The following PRRT4 variants were observed in gnomAD, a reference collection of about 807,000 sequenced individuals.
The protein encoded by PRRT4 is proline-rich transmembrane protein 4.
In PRRT4, 59 loss-of-function variants were observed where a neutral mutation model predicts 55.6. The ratio of observed to expected loss-of-function variants is 1.06; its 90% CI spans 0.86 to 1.32. The LOEUF is 1.32. PRRT4 is among the 40% of genes most tolerant of loss of function. PRRT4 has a pLI of 0.00. For synonymous variants in PRRT4, 606 were observed against 601.8 expected, an observed-to-expected ratio of 1.01 and a Z score of -0.10; for missense variants, 1,217 against 1,222.0, an observed-to-expected ratio of 1.00 and a Z score of 0.06.
chr7:128,359,896 G>A, exon 2 of PRRT4: 1 of 1,464,738 alleles, frequency 6.8e-7, no homozygotes, highest in East Asian at 2.5e-5. Flanking sequence ...TGGTGGCAGG[G>A]GCACCTGGGA....
chr7:128,356,187 G>C (rs1210257440), intron 4 of PRRT4, among the ~76,000 whole-genome samples: 1 of 152,058 alleles, frequency 6.6e-6, no homozygotes, highest in Non-Finnish European at 1.5e-5. Flanking sequence ...TGAACCCGGA[G>C]GATGCAGTGA....
chr7:128,350,765 G>A, downstream of PRRT4: 3 of 1,496,544 alleles, frequency 2.0e-6, no homozygotes, highest in Non-Finnish European at 1.8e-6. Context: ...TCTGAGCCAG[G>A]GAGGATTGGG....
chr7:128,358,629 G>A lies in PRRT4; in HGVS notation c.877+52C>T. On this transcript the variant is annotated intron_variant, in intron 4 of 4. Coordinates refer to ENST00000535159, the Ensembl canonical transcript of PRRT4. The surrounding 1 kb of genome is among the most constrained non-coding windows in gnomAD (Gnocchi z 4.4). ...CAGAACACTGATGAGTGACTAGCATGTAGTAAGTGCTCAATAAATAATTGT... is the reference window on the plus strand; with the variant it reads ...CAGAACACTGATGAGTGACTAGCATATAGTAAGTGCTCAATAAATAATTGT... 2 of 1,471,588 alleles carry A rather than the reference G, an allele frequency of 1.4e-6. No homozygotes were observed. The highest frequency in any genetic ancestry group is 1.9e-6 in the Non-Finnish European group (2 of 1,075,708). 91.2% of individuals were successfully genotyped at this position (1,471,588 alleles called of 1,614,324 possible).
chr7:128,361,076 GTCTC>G (rs71160633), intron 1 of PRRT4, among the ~76,000 whole-genome samples: 1,535 of 100,390 alleles, frequency 0.015, 33 homozygotes, highest in Admixed American at 0.048. Flanking sequence ...GGCCTCCCCT[GTCTC>G]TCTCTCTCTC....
intron 1 of PRRT4, among the ~76,000 whole-genome samples, 155 bp from the exon 3 acceptor site, chr7:128,360,218 G>C (rs359643): frequency 0.12 from 18,131 of 152,066 alleles, 1,667 homozygotes; most frequent in African/African-American, 0.26. Flanking sequence ...TCTTCTTGCC[G>C]GGCCCTTCCT....
exon 5 of PRRT4, chr7:128,352,400 C>T (rs760711155): frequency 6.6e-7 from 1 of 1,524,364 alleles, no homozygotes. Context: ...GGCAAGAGGG[C>T]CAGAGCCAGC....
At chr7:128,352,726 T>C in intron 4 of PRRT4, 48 bp from the exon 6 acceptor site, 1 of 1,456,640 alleles carries the variant, frequency 6.9e-7, no homozygotes, top group Non-Finnish European at 9.1e-7. Context: ...AGCCCTCCCC[T>C]TACCCACCCC....
intron 4 of PRRT4, among the ~76,000 whole-genome samples, chr7:128,352,931 C>T (rs894886149): frequency 4.6e-5 from 7 of 152,022 alleles, no homozygotes; most frequent in African/African-American, 1.7e-4. Flanking sequence ...GCCTCGGCCC[C>T]CCAGCTCCCT....
At chr7:128,360,168 G>T in intron 1 of PRRT4, 105 bp from the exon 3 acceptor site, 1 of 463,856 alleles carries the variant, frequency 2.2e-6, no homozygotes, top group Non-Finnish European at 3.5e-6. Flanking sequence ...GAAGCAGGTA[G>T]TGTGGGCAGG....
chr7:128,351,813 G>T, exon 5 of PRRT4: 1 of 1,416,434 alleles, frequency 7.1e-7, no homozygotes, highest in Non-Finnish European at 9.1e-7. Flanking sequence ...AGCCCAGGGC[G>T]TGCAGCACCT....
Position 128,352,690 on chromosome 7 carries a change from G to C in PRRT4, c.878-12C>G, listed in dbSNP as rs1797024336. The C allele has an allele frequency of 6.6e-7, 1 of 1,514,384 alleles. No homozygotes were observed. The highest frequency in any genetic ancestry group is 8.8e-7 in the Non-Finnish European group (1 of 1,133,670). The allele number at this position is 1,514,384 out of a possible 1,614,324, so 93.8% of individuals were successfully genotyped here. A position where few individuals can be genotyped will look rare whatever the true frequency, so the allele number is the denominator to read the frequency against. ...GGGGACTGTGGGGTCTGTGGGCAAA[G>C]AACGTTTGGCTTGAGGCAATGATGC... On this transcript the variant is annotated splice_polypyrimidine_tract_variant and intron_variant, in intron 4 of 4. Transcript: ENST00000535159.
chr7:128,356,323 G>A (rs762438773), intron 4 of PRRT4, among the ~76,000 whole-genome samples: 1 of 152,148 alleles, frequency 6.6e-6, no homozygotes, highest in Non-Finnish European at 1.5e-5. Context: ...AATAGGCAAA[G>A]TACAGGGGTG....
exon 5 of PRRT4, chr7:128,351,986 G>A (rs1189693929): frequency 2.3e-6 from 3 of 1,302,134 alleles, no homozygotes; most frequent in South Asian, 4.2e-5. Flanking sequence ...CCGGCCCGCC[G>A]CCGCCGCCCG....
At chr7:128,361,980 ACT>A (rs1797268652), upstream of PRRT4, among the ~76,000 whole-genome samples, 1 of 152,020 alleles carries the variant, frequency 6.6e-6, no homozygotes, top group Admixed American at 6.5e-5. Flanking sequence ...CAGGAAACAC[ACT>A]CGCAGGTCAG....
exon 5 of PRRT4, chr7:128,351,440 G>T (rs2116438061): frequency 5.2e-6 from 8 of 1,525,368 alleles, no homozygotes; most frequent in Middle Eastern, 3.4e-4. Flanking sequence ...GCCGGGGACG[G>T]GGCCGGGTTG....
intron 1 of PRRT4, among the ~76,000 whole-genome samples, chr7:128,360,468 C>T (rs540342135): frequency 1.8e-3 from 267 of 152,332 alleles, no homozygotes; most frequent in Admixed American, 3.9e-3. Context: ...AACAAGCAAG[C>T]CCTTCCGATG....
chr7:128,351,999 C>G (rs767637164), exon 5 of PRRT4: 42 of 1,313,632 alleles, frequency 3.2e-5, no homozygotes, highest in Non-Finnish European at 4.1e-5. Flanking sequence ...GCCGCCCGCC[C>G]CAGCAGGAGA....
exon 5 of PRRT4, chr7:128,351,888 G>A: frequency 7.5e-7 from 1 of 1,326,690 alleles, no homozygotes; most frequent in Non-Finnish European, 9.6e-7. Flanking sequence ...TGCGCGCCGC[G>A]CGCCGCCAGG....
chr7:128,354,263 T>C (rs1172521957), intron 4 of PRRT4, among the ~76,000 whole-genome samples: 1 of 152,018 alleles, frequency 6.6e-6, no homozygotes, highest in East Asian at 1.9e-4. Context: ...CAGGGGACAC[T>C]CAAAACATAA....
Sources: gnomAD v4.1 joint callset for allele counts (sites outside exome capture counted in the v4.1 genomes callset) on GRCh38, gnomAD v4.1.1 for gene constraint, Gnocchi (gnomAD v3.1) non-coding constraint, MANE v1.5 for transcripts, NCBI Gene and HGNC (gene_info 2026-07-23, HGNC 2026-07-21) for gene names.